Variants in BICRA observed in about 807,000 individuals in gnomAD.
BICRA encodes BRD4 interacting chromatin remodeling complex associated protein.
In BICRA, 31 loss-of-function variants were observed where a neutral mutation model predicts 96.9. That is an observed-to-expected ratio of 0.32 (90% CI 0.24 to 0.43). BICRA has a LOEUF of 0.43. Among genes scored for constraint, BICRA ranks in the 20% least tolerant of loss-of-function variants. BICRA has a pLI of 1.00. For synonymous variants in BICRA, 1,350 were observed against 1,071.8 expected, an observed-to-expected ratio of 1.26 and a Z score of -5.07; for missense variants, 2,283 against 2,190.3, an observed-to-expected ratio of 1.04 and a Z score of -0.84.
intron 9 of BICRA, 82 bp from the exon 10 acceptor site, chr19:47,695,283 T>G: frequency 1.2e-6 from 1 of 802,818 alleles, no homozygotes; most frequent in Non-Finnish European, 2.1e-6. Flanking sequence ...AGCGGTGGGG[T>G]ACAGGATGGG....
chr19:47,675,331 C>T lies in BICRA; in HGVS notation c.85-520C>T, dbSNP rs2123579181. 6.6e-6 allele frequency among the ~76,000 whole-genome samples: 1 copy of T among 152,292 alleles called. No homozygotes were observed. The highest frequency in any genetic ancestry group is 1.9e-4 in the East Asian group (1 of 5,174). The stretch of plus-strand genomic sequence containing the variant: ...ATTCACTGGGCACATATGTGGATGC[C>T]AGGGCCTGTTCTGGGCACTAAGGAT... On this transcript the variant is annotated intron_variant, in intron 4 of 14. Coordinates refer to ENST00000594866, the MANE Select transcript of BICRA (RefSeq NM_001394372.1). This position sits in a 1 kb window ranked among gnomAD's most constrained non-coding sequence, Gnocchi z 4.7.
intron 5 of BICRA, among the ~76,000 whole-genome samples, chr19:47,676,701 C>T: frequency 6.6e-6 from 1 of 150,976 alleles, no homozygotes; most frequent in Admixed American, 6.6e-5. Flanking sequence ...ATTTAGTTCT[C>T]ACAGCTATAA....
In BICRA at chr19:47,699,035, G is replaced by A; in HGVS notation, c.3468G>A (p.Arg1156=). The A allele has an allele frequency of 6.3e-7, 1 of 1,576,292 alleles. No homozygotes were observed. Among genetic ancestry groups the A allele is most frequent in the Non-Finnish European group, 8.6e-7 (1 of 1,161,484 alleles). The change falls in exon 13 of 15, where the codon CGG becomes CGA. Residue 1156 remains arginine, a synonymous_variant. Coordinates refer to ENST00000594866, the MANE Select transcript of BICRA (RefSeq NM_001394372.1). The surrounding 1 kb of genome is among the most constrained non-coding windows in gnomAD (Gnocchi z 5.0). ...CCCAGGCCATGCTCAATAAATATCG[G>A]CTCCTGCTCCTGGAGGAGTCCCGGG... ...KRTQAMLNKY[R]LLLLEESRRV...
intron 7 of BICRA, among the ~76,000 whole-genome samples, chr19:47,691,879 T>TATAATATTTCAGC (rs2123603080): frequency 2.0e-5 from 3 of 152,204 alleles, no homozygotes; most frequent in African/African-American, 7.2e-5. Flanking sequence ...AATATTTTAG[T>TATAATATTTCAGC]ATAATATTTC....
intron 1 of BICRA, among the ~76,000 whole-genome samples, chr19:47,644,220 G>T (rs1240764053): frequency 6.6e-6 from 1 of 151,232 alleles, no homozygotes; most frequent in Non-Finnish European, 1.5e-5. Context: ...CAGAGACTTA[G>T]GTGCCCAGGT....
chr19:47,695,696 G>A (rs980971005), intron 10 of BICRA, among the ~76,000 whole-genome samples: 2 of 152,100 alleles, frequency 1.3e-5, no homozygotes, highest in Non-Finnish European at 2.9e-5. Flanking sequence ...ACGGTGGGAC[G>A]GAGACGGCAC....
chr19:47,694,820 C>A, intron 8 of BICRA, 80 bp from the exon 9 acceptor site: 1 of 1,171,164 alleles, frequency 8.5e-7, no homozygotes, highest in Admixed American at 2.3e-5. Context: ...GCTCTGTGAT[C>A]CTCCCCAGCC....
At position 47,702,500 on chromosome 19, in the gene BICRA, G is replaced by C. The variant is rs1329079775; in HGVS notation, c.*85G>C. On this transcript the variant is annotated 3_prime_UTR_variant, in exon 15 of 15. Transcript: ENST00000594866. ...TCCGCCCTCAGCCTCCTGGGGACTCGAGCCGGGGATCCCCTGACGGTTTTT... is the reference window on the plus strand; with the variant it reads ...TCCGCCCTCAGCCTCCTGGGGACTCCAGCCGGGGATCCCCTGACGGTTTTT... The C allele has an allele frequency of 5.1e-6, 7 of 1,369,086 alleles. No homozygotes were observed. Among genetic ancestry groups the C allele is most frequent in the Middle Eastern group, 2.6e-4 (1 of 3,804 alleles). 84.8% of individuals were successfully genotyped at this position (1,369,086 alleles called of 1,614,324 possible). A position where few individuals can be genotyped will look rare whatever the true frequency, so the allele number is the denominator to read the frequency against.
At chr19:47,633,610 A>G (rs550113446) in intron 1 of BICRA, among the ~76,000 whole-genome samples, 4 of 152,284 alleles carry the variant, frequency 2.6e-5, no homozygotes, top group African/African-American at 9.6e-5. Context: ...TCAGGAAATA[A>G]TAGAGTAGAG....
intron 1 of BICRA, among the ~76,000 whole-genome samples, chr19:47,619,486 T>TG (rs1173067750): frequency 6.6e-6 from 1 of 152,112 alleles, no homozygotes; most frequent in Non-Finnish European, 1.5e-5. Context: ...CTCGAACTCC[T>TG]GACCTCAGGT....
At chr19:47,613,400 C>G (rs1028875489) in intron 1 of BICRA, among the ~76,000 whole-genome samples, 9 of 152,116 alleles carry the variant, frequency 5.9e-5, no homozygotes, top group Non-Finnish European at 7.4e-5. Flanking sequence ...CTTTCCAGGC[C>G]GCCTGGGCTT....
intron 1 of BICRA, among the ~76,000 whole-genome samples, chr19:47,659,685 TACAC>T (rs10567798): frequency 0.21 from 28,399 of 132,240 alleles, 2,896 homozygotes; most frequent in African/African-American, 0.24. Context: ...TGGTGGTGCA[TACAC>T]ACACACACAC....
chr19:47,682,859 A>G (rs1472688735), intron 7 of BICRA, among the ~76,000 whole-genome samples: 1 of 151,960 alleles, frequency 6.6e-6, no homozygotes, highest in Non-Finnish European at 1.5e-5. Context: ...TTTAATAGAG[A>G]CGGGGTTTCA....
At chr19:47,614,204 G>A (rs138237437) in intron 1 of BICRA, among the ~76,000 whole-genome samples, 1 of 152,282 alleles carries the variant, frequency 6.6e-6, no homozygotes, top group Non-Finnish European at 1.5e-5. Flanking sequence ...GAACACTAAA[G>A]ATGGTGTCTC....
intron 1 of BICRA, among the ~76,000 whole-genome samples, chr19:47,622,281 A>G (rs1016950552): frequency 6.6e-6 from 1 of 151,504 alleles, no homozygotes; most frequent in African/African-American, 2.4e-5. Flanking sequence ...TTTAGTAGAG[A>G]TGGGGTTTCG....
At chr19:47,668,366 A>G (rs750341056) in intron 1 of BICRA, among the ~76,000 whole-genome samples, 1 of 152,106 alleles carries the variant, frequency 6.6e-6, no homozygotes, top group Non-Finnish European at 1.5e-5. Flanking sequence ...AAAAAAATTG[A>G]GCTGCCTGAC....
At chr19:47,637,478 A>G (rs1382914785) in intron 1 of BICRA, among the ~76,000 whole-genome samples, 2 of 152,146 alleles carry the variant, frequency 1.3e-5, no homozygotes, top group Non-Finnish European at 2.9e-5. Flanking sequence ...GCATTGGTGC[A>G]ATCTCAGCTC....
intron 1 of BICRA, among the ~76,000 whole-genome samples, chr19:47,622,629 C>T (rs1305593908): frequency 6.8e-6 from 1 of 146,876 alleles, no homozygotes; most frequent in East Asian, 2.0e-4. Context: ...GAGACTGAGG[C>T]AGGAGAATGG....
In BICRA at chr19:47,698,586, TC is replaced by T. The variant is rs761559226; in HGVS notation, c.3249-41del. On this transcript the variant is annotated intron_variant, in intron 11 of 14. Coordinates refer to ENST00000594866, the MANE Select transcript of BICRA (RefSeq NM_001394372.1). The surrounding 1 kb of genome is among the most constrained non-coding windows in gnomAD (Gnocchi z 4.8). ...AGGGACTTCCCCTGGCCCTCACCCG[TC>T]CCCCCCACCCTCCGCCGTGTGTGGT... The T allele has an allele frequency of 4.0e-4, 286 of 715,250 alleles. No homozygotes were observed. Among genetic ancestry groups the T allele is most frequent in the Non-Finnish European group, 5.2e-4 (204 of 392,008 alleles). The allele number at this position is 715,250 out of a possible 1,614,324, so 44.3% of individuals were successfully genotyped here.
Sources: allele counts gnomAD v4.1 joint callset (sites outside exome capture counted in the v4.1 genomes callset), GRCh38; gene constraint gnomAD v4.1.1; non-coding constraint Gnocchi (gnomAD v3.1); transcripts MANE v1.5; gene names NCBI Gene and HGNC (gene_info 2026-07-23, HGNC 2026-07-21).